The following SIPA1L3 variants were observed in gnomAD, a reference collection of about 807,000 sequenced individuals.
SIPA1L3 encodes signal-induced proliferation-associated 1-like protein 3.
SIPA1L3 carries 59 observed loss-of-function variants against 150.1 expected under a neutral mutation model. The ratio of observed to expected loss-of-function variants is 0.39; its 90% CI spans 0.32 to 0.49. The LOEUF is 0.49. Among genes scored for constraint, SIPA1L3 ranks in the 20% least tolerant of loss-of-function variants. SIPA1L3 has a pLI of 0.86. For missense variants in SIPA1L3, 2,211 were observed against 2,489.5 expected, an observed-to-expected ratio of 0.89 and a Z score of 2.38; for synonymous variants, 1,070 against 1,077.6, an observed-to-expected ratio of 0.99 and a Z score of 0.14.
intron 2 of SIPA1L3, among the ~76,000 whole-genome samples, chr19:38,075,981 T>G (rs1335036837): frequency 1.3e-5 from 2 of 151,238 alleles, no homozygotes; most frequent in South Asian, 4.2e-4. Flanking sequence ...CTACTGAAAA[T>G]ACAAAAAATA....
chr19:37,913,737 C>T (rs961897742), intron 1 of SIPA1L3, among the ~76,000 whole-genome samples: 2 of 145,834 alleles, frequency 1.4e-5, no homozygotes, highest in Non-Finnish European at 1.5e-5. Context: ...AAAATCCTGG[C>T]TGGGCACAGC....
In SIPA1L3 at chr19:38,195,795, C is replaced by T. The variant is rs866917107; in HGVS notation, c.4840+2015C>T. Among the ~76,000 whole-genome samples, 502 of 102,250 alleles carry T rather than the reference C, an allele frequency of 4.9e-3. 19 individuals carry two copies. Among genetic ancestry groups the T allele is most frequent in the South Asian group, 0.04 (78 of 1,930 alleles). 67.1% of individuals were successfully genotyped at this position (102,250 alleles called of 152,430 possible). On this transcript the variant is annotated intron_variant, in intron 18 of 21. Coordinates refer to ENST00000222345, the MANE Select transcript of SIPA1L3 (RefSeq NM_015073.3). ...GTCAGGCACCACCACAGGCCCCGTC[C>T]CCCCCCGCCCCCCCGGGTTTCTCTC... is the stretch of plus-strand genomic sequence containing the variant.
Position 38,204,170 on chromosome 19 carries a change from G to A in SIPA1L3, c.5164G>A (p.Glu1722Lys). The change falls in exon 21 of 22, where the codon GAG (glutamate) becomes AAG (lysine). Residue 1722 changes from glutamate to lysine, a missense_variant. Transcript: ENST00000222345. ...LDLTGKVYQL[E>K]VMLKQLHTDL... is the part of the protein sequence containing the mutation. The stretch of plus-strand genomic sequence containing the variant: ...TCTGACAGGCAAGGTGTACCAGCTG[G>A]AGGTGATGCTGAAACAGCTGCACAC... The A allele has an allele frequency of 6.4e-7, 1 of 1,559,962 alleles. No individual in the cohort carries two copies. The highest frequency in any genetic ancestry group is 8.7e-7 in the Non-Finnish European group (1 of 1,151,032).
chr19:38,024,097 G>A (rs761941273), intron 1 of SIPA1L3, among the ~76,000 whole-genome samples: 7 of 152,102 alleles, frequency 4.6e-5, no homozygotes, highest in Non-Finnish European at 1.0e-4. Context: ...GTGGAAATAC[G>A]AGGGTGGGGT....
rs1972859810 is a variant in SIPA1L3 at position 38,193,792 on chromosome 19, C to T, written c.4840+12C>T. ...TCCCGAGAAGAAATGTGAGCCTGGGCCCCCTGGGACTGGCGCGGTAGTTAC... is the reference window on the plus strand; with the variant it reads ...TCCCGAGAAGAAATGTGAGCCTGGGTCCCCTGGGACTGGCGCGGTAGTTAC... On this transcript the variant is annotated intron_variant, in intron 18 of 21. Transcript: ENST00000222345. The T allele has an allele frequency of 6.4e-7, 1 of 1,555,356 alleles. No homozygotes were observed.
At chr19:38,055,446 TTTA>T (rs1305404756) in intron 2 of SIPA1L3, among the ~76,000 whole-genome samples, 2 of 152,208 alleles carry the variant, frequency 1.3e-5, no homozygotes, top group Non-Finnish European at 2.9e-5. Flanking sequence ...GTGTGCCCCA[TTTA>T]TTTATTAGGA....
intron 4 of SIPA1L3, among the ~76,000 whole-genome samples, chr19:38,097,715 C>G (rs1211437847): frequency 6.6e-6 from 1 of 152,190 alleles, no homozygotes; most frequent in Non-Finnish European, 1.5e-5. Flanking sequence ...CGCCACCACG[C>G]CCGGCTAATT....
intron 15 of SIPA1L3, among the ~76,000 whole-genome samples, chr19:38,174,079 T>C (rs941844092): frequency 1.3e-5 from 2 of 151,958 alleles, no homozygotes; most frequent in Non-Finnish European, 2.9e-5. Flanking sequence ...GGCTGTGTGC[T>C]GAGGCTGGGG....
chr19:38,143,311 G>A (rs1296009644), intron 12 of SIPA1L3, among the ~76,000 whole-genome samples: 1 of 152,068 alleles, frequency 6.6e-6, no homozygotes, highest in African/African-American at 2.4e-5. Context: ...TGTCTCAGGG[G>A]CAGCCACATC....
chr19:38,099,582 G>A (rs1970455383), intron 4 of SIPA1L3, among the ~76,000 whole-genome samples: 1 of 152,104 alleles, frequency 6.6e-6, no homozygotes, highest in African/African-American at 2.4e-5. Flanking sequence ...ACAAGGACAA[G>A]GGTCTTTGTT....
intron 9 of SIPA1L3, among the ~76,000 whole-genome samples, chr19:38,124,104 ACC>A: frequency 7.9e-6 from 1 of 127,332 alleles, no homozygotes; most frequent in East Asian, 2.5e-4. Context: ...CGGGGGGCTG[ACC>A]CCCCACCTCC....
chr19:38,110,032 T>G, intron 7 of SIPA1L3, 195 bp from the exon 8 acceptor site: 1 of 581,772 alleles, frequency 1.7e-6, no homozygotes, highest in South Asian at 2.1e-5. Context: ...CTGGCCATGG[T>G]GAGGCCTTTG....
At chr19:37,945,476 A>G (rs1249022375) in intron 1 of SIPA1L3, among the ~76,000 whole-genome samples, 2 of 152,040 alleles carry the variant, frequency 1.3e-5, no homozygotes, top group South Asian at 4.1e-4. Context: ...GAGCTCAGCA[A>G]TCTGCCCACT....
At position 38,099,096 on chromosome 19, in the gene SIPA1L3, C is replaced by T. The variant is rs542461178; in HGVS notation, c.1666-866C>T. ...TGTTGCCCAGACTGGAGTGCAGTGG[C>T]GCGATCTTGGCTCACTGCAACCTCC... On this transcript the variant is annotated intron_variant, in intron 4 of 21. Transcript: ENST00000222345. 4.6e-5 allele frequency among the ~76,000 whole-genome samples: 7 copies of T among 152,058 alleles called. No homozygotes were observed. The East Asian group carries it at 5.8e-4, about 13-fold the overall frequency.
intron 8 of SIPA1L3, among the ~76,000 whole-genome samples, chr19:38,115,539 A>G (rs1196117978): frequency 2.6e-5 from 4 of 152,188 alleles, no homozygotes; most frequent in African/African-American, 9.7e-5. Flanking sequence ...AGGAAGTGCT[A>G]ACTCACCAGG....
chr19:38,127,657 AT>A (rs530786433), intron 9 of SIPA1L3, among the ~76,000 whole-genome samples: 33 of 149,914 alleles, frequency 2.2e-4, no homozygotes, highest in Non-Finnish European at 2.1e-4. Flanking sequence ...TGCTCAGCTA[AT>A]TTTTTTTTTA....
intron 1 of SIPA1L3, among the ~76,000 whole-genome samples, chr19:37,975,856 G>T (rs1374031268): frequency 5.9e-5 from 9 of 152,138 alleles, no homozygotes; most frequent in Admixed American, 5.9e-4. Flanking sequence ...TGTAATCCCA[G>T]CACTTTGGGT....
chr19:38,025,742 A>T (rs6508756), intron 1 of SIPA1L3, among the ~76,000 whole-genome samples: 40,695 of 152,014 alleles, frequency 0.27, 6,161 homozygotes, highest in African/African-American at 0.41. Flanking sequence ...AGGAATTTTT[A>T]AAATGGGAAG....
At chr19:38,124,895 C>CGCAG (rs1971135632) in intron 9 of SIPA1L3, among the ~76,000 whole-genome samples, 4 of 151,848 alleles carry the variant, frequency 2.6e-5, no homozygotes, top group Admixed American at 2.0e-4. Flanking sequence ...GCAGGCACTC[C>CGCAG]GCAGGCTGAG....
Sources: allele counts gnomAD v4.1 joint callset (sites outside exome capture counted in the v4.1 genomes callset), GRCh38; gene constraint gnomAD v4.1.1; transcripts MANE v1.5; gene names NCBI Gene and HGNC (gene_info 2026-07-23, HGNC 2026-07-21).